RIMKLB: variants seen among roughly 807,000 people sequenced by gnomAD.
The protein encoded by RIMKLB is beta-citrylglutamate synthase B.
RIMKLB carries 7 observed loss-of-function variants against 32.0 expected under a neutral mutation model. The ratio of observed to expected loss-of-function variants is 0.22; its 90% CI spans 0.12 to 0.41. RIMKLB has a LOEUF of 0.41. Among genes scored for constraint, RIMKLB ranks in the 10% least tolerant of loss-of-function variants. The pLI, the probability that RIMKLB is intolerant of heterozygous loss-of-function variation, is 1.00. For missense variants in RIMKLB, 289 were observed against 498.7 expected (o/e 0.58, Z 4.00); for synonymous variants, 172 against 185.1 (o/e 0.93, Z 0.57).
chr12:8,714,979 A>G (rs929775225), intron 2 of RIMKLB, among the ~76,000 whole-genome samples: 10 of 152,208 alleles, frequency 6.6e-5, no homozygotes, highest in Non-Finnish European at 1.2e-4. Flanking sequence ...GCAAAGTACA[A>G]TAAAATCTTA....
At chr12:8,781,554 T>C (rs895387781), downstream of RIMKLB, among the ~76,000 whole-genome samples, 2 of 152,230 alleles carry the variant, frequency 1.3e-5, no homozygotes, top group Admixed American at 6.5e-5. Flanking sequence ...CTTGCTTATC[T>C]GGCTGGGCTT....
chr12:8,679,182 GTT>G (rs569746610), upstream of RIMKLB: 1 of 152,130 alleles, frequency 6.6e-6, no homozygotes, highest in Non-Finnish European at 1.5e-5. Flanking sequence ...TTTATTCTTT[GTT>G]TTTGTTTTTG....
At chr12:8,691,430 G>A (rs1942729994) in intron 1 of RIMKLB, among the ~76,000 whole-genome samples, 1 of 151,950 alleles carries the variant, frequency 6.6e-6, no homozygotes, top group South Asian at 2.1e-4. Context: ...GCAACATGGT[G>A]AGACCCCCAT....
intron 5 of RIMKLB, among the ~76,000 whole-genome samples, chr12:8,768,393 G>A (rs761515515): frequency 7.2e-5 from 11 of 152,236 alleles, no homozygotes; most frequent in Non-Finnish European, 1.0e-4. Context: ...CGGACCACAA[G>A]TGTGTGCAGT....
chr12:8,675,140 C>T, the RIMKLB span, among the ~76,000 whole-genome samples: 3 of 152,320 alleles, frequency 2.0e-5, no homozygotes, highest in East Asian at 1.9e-4. Context: ...GGATTATAGG[C>T]GTAAGCCACC....
chr12:8,768,822 CAA>C (rs1950177857), intron 5 of RIMKLB, among the ~76,000 whole-genome samples: 1 of 152,092 alleles, frequency 6.6e-6, no homozygotes, highest in Admixed American at 6.5e-5. Context: ...AGTTTTTTGC[CAA>C]AGAGTTTTGT....
chr12:8,762,763 T>TCAC, intron 5 of RIMKLB, among the ~76,000 whole-genome samples: 1 of 152,186 alleles, frequency 6.6e-6, no homozygotes, highest in Non-Finnish European at 1.5e-5. Context: ...GGGGGTTACT[T>TCAC]TGAAGTATTC....
chr12:8,763,284 T>C (rs771516414), intron 5 of RIMKLB, among the ~76,000 whole-genome samples: 1 of 152,358 alleles, frequency 6.6e-6, no homozygotes, highest in Non-Finnish European at 1.5e-5. Flanking sequence ...TCCTGTTTTT[T>C]TTCTGTTACA....
chr12:8,720,211 C>T (rs1945297378), intron 2 of RIMKLB, among the ~76,000 whole-genome samples: 1 of 152,110 alleles, frequency 6.6e-6, no homozygotes, highest in South Asian at 2.1e-4. Context: ...TATTTTGACA[C>T]CACAAAATCC....
upstream of RIMKLB, among the ~76,000 whole-genome samples, chr12:8,696,095 C>G (rs1487762941): frequency 6.6e-6 from 1 of 152,138 alleles, no homozygotes; most frequent in African/African-American, 2.4e-5. Context: ...ATGCAGTTAC[C>G]ACGAATTGGA....
At position 8,773,777 on chromosome 12, in the gene RIMKLB, T is replaced by C; in HGVS notation, c.1154T>C (p.Val385Ala). Residue 385 changes from valine (V) to alanine (A), a missense_variant, in exon 6 of 6, where the codon GTG becomes GCG. Val to Ala is a moderately conservative substitution (Grantham distance 64). This residue lies in a region of RIMKLB where 99 missense variants were observed against 133.9 expected (regional missense o/e 0.74). Coordinates refer to ENST00000535829, the MANE Select transcript of RIMKLB (RefSeq NM_001297776.2). The part of the protein sequence containing the change: ...QLLANEIKLL[V>A]D ...CTAGCCAATGAAATCAAACTACTGG[T>C]GGACTGACTCCACTGGTAATTAACC... 1 of 1,609,846 alleles carries C rather than the reference T, an allele frequency of 6.2e-7. No individual in the cohort carries two copies.
intron 1 of RIMKLB, among the ~76,000 whole-genome samples, chr12:8,686,977 C>A (rs747457244): frequency 6.6e-6 from 1 of 152,258 alleles, no homozygotes; most frequent in South Asian, 2.1e-4. Context: ...GGATTTCAAT[C>A]TGGTGTGTCT....
upstream of RIMKLB, chr12:8,697,958 GCGCGCTGTGTGTGAGCGGGGT>G (rs1942985129): frequency 1.3e-5 from 2 of 150,248 alleles, no homozygotes; most frequent in Admixed American, 6.6e-5. Context: ...CCGGCGTCGC[GCGCGCTGTGTGTGAGCGGGGT>G]CGCGCGCGCG....
At chr12:8,698,434 C>A (rs568799910) in intron 1 of RIMKLB, 137 bp downstream of exon 1, 1 of 156,426 alleles carries the variant, frequency 6.4e-6, no homozygotes. Flanking sequence ...CCCGAGCGCG[C>A]CCGGGGTCCG....
intron 1 of RIMKLB, among the ~76,000 whole-genome samples, chr12:8,706,537 G>A (rs1943898117): frequency 6.7e-6 from 1 of 148,924 alleles, no homozygotes. Flanking sequence ...TGCAACCTCT[G>A]CCTCCTGGGT....
chr12:8,779,376 CAG>C (rs1291887980), downstream of RIMKLB: 1 of 152,290 alleles, frequency 6.6e-6, no homozygotes, highest in Admixed American at 6.5e-5. Context: ...TTCAGTCAGA[CAG>C]ACATCCCTGT....
intron 2 of RIMKLB, among the ~76,000 whole-genome samples, chr12:8,735,358 T>C (rs959120032): frequency 2.7e-4 from 41 of 152,344 alleles, no homozygotes; most frequent in African/African-American, 7.7e-4. Flanking sequence ...GCTTCTAAAG[T>C]AGCTGGAACT....
downstream of RIMKLB, chr12:8,777,578 GTTC>G (rs1372139672): frequency 7.8e-7 from 1 of 1,285,878 alleles, no homozygotes; most frequent in African/African-American, 1.5e-5. Flanking sequence ...CACTGTTACT[GTTC>G]TTTACCAGCC....
At chr12:8,705,582 A>T (rs774585347) in intron 1 of RIMKLB, among the ~76,000 whole-genome samples, 15 of 152,166 alleles carry the variant, frequency 9.9e-5, no homozygotes, top group Admixed American at 2.0e-4. Context: ...ATTGATGCCC[A>T]GTTGTCTGAA....
Sources: gnomAD v4.1 joint callset for allele counts (sites outside exome capture counted in the v4.1 genomes callset) on GRCh38, gnomAD v4.1.1 for gene constraint, gnomAD v4.1.1 regional missense constraint, MANE v1.5 for transcripts, NCBI Gene and HGNC (gene_info 2026-07-23, HGNC 2026-07-21) for gene names.